The following CFAP69 variants were observed in gnomAD, a reference collection of about 807,000 sequenced individuals.
The protein encoded by CFAP69 is cilia- and flagella-associated protein 69.
Under a neutral mutation model 123.0 loss-of-function variants are expected in CFAP69, and 92 were observed. The ratio of observed to expected loss-of-function variants is 0.75; its 90% CI spans 0.63 to 0.89. The LOEUF is 0.89. Among genes scored for constraint, CFAP69 ranks in the 40% least tolerant of loss-of-function variants. The pLI, the probability that CFAP69 is intolerant of heterozygous loss-of-function variation, is 0.00. For synonymous variants in CFAP69, 380 were observed against 364.3 expected, an observed-to-expected ratio of 1.04 and a Z score of -0.49; for missense variants, 1,067 against 1,096.9, an observed-to-expected ratio of 0.97 and a Z score of 0.39.
At chr7:90,291,743 C>A (rs1791233621) in intron 15 of CFAP69, among the ~76,000 whole-genome samples, 1 of 152,134 alleles carries the variant, frequency 6.6e-6, no homozygotes. Context: ...TACAGGGGAG[C>A]TCAGTCAGAA....
At chr7:90,305,003 C>A (rs1793360683) in intron 19 of CFAP69, among the ~76,000 whole-genome samples, 183 bp downstream of exon 19, 1 of 152,034 alleles carries the variant, frequency 6.6e-6, no homozygotes, top group Non-Finnish European at 1.5e-5. Context: ...GGGTGTTTTT[C>A]ATGGGATAAG....
At chr7:90,272,514 G>GT (rs1800100592) in intron 8 of CFAP69, among the ~76,000 whole-genome samples, 1 of 152,080 alleles carries the variant, frequency 6.6e-6, no homozygotes, top group Admixed American at 6.6e-5. Context: ...ACAGATTATT[G>GT]TAAGATGCTA....
chr7:90,307,583 A>G (rs950253675), intron 20 of CFAP69, among the ~76,000 whole-genome samples, 185 bp from the exon 21 acceptor site: 1 of 152,024 alleles, frequency 6.6e-6, no homozygotes, highest in African/African-American at 2.4e-5. Context: ...TTTGAGATTG[A>G]GTTACTATAT....
chr7:90,255,606 A>C lies in CFAP69; in HGVS notation c.180+124A>C, dbSNP rs555479947. The C allele has an allele frequency of 2.6e-5, 18 of 703,046 alleles. No homozygotes were observed. In the African/African-American group the frequency reaches 3.2e-4, roughly 13 times the overall value. 43.6% of individuals were successfully genotyped at this position (703,046 alleles called of 1,614,324 possible). On this transcript the variant is annotated intron_variant, in intron 2 of 22. Transcript: ENST00000389297. ...TCGTTTTGTTGAAAACATTTTAAATAGTACATATCTTATATTCAAGGACTA... is the reference window on the plus strand; with the variant it reads ...TCGTTTTGTTGAAAACATTTTAAATCGTACATATCTTATATTCAAGGACTA...
At chr7:90,305,955 T>C (rs1264406348) in intron 19 of CFAP69, among the ~76,000 whole-genome samples, 1 of 149,298 alleles carries the variant, frequency 6.7e-6, no homozygotes, top group African/African-American at 2.4e-5. Flanking sequence ...TTTTTTTTTT[T>C]TTTTTGAGGC....
intron 5 of CFAP69, among the ~76,000 whole-genome samples, chr7:90,266,588 T>G (rs575708214): frequency 6.6e-6 from 1 of 152,308 alleles, no homozygotes; most frequent in African/African-American, 2.4e-5. Flanking sequence ...CATGGCTCAC[T>G]TTTTACTGAG....
chr7:90,317,192 A>G, the CFAP69 span: 4 of 152,148 alleles, frequency 2.6e-5, no homozygotes, highest in Non-Finnish European at 5.9e-5. Flanking sequence ...GATTAACTCA[A>G]CTTTTTACTC....
In CFAP69 at chr7:90,297,738, T is replaced by C; in HGVS notation, c.1776-11T>C. 1 of 1,535,232 alleles carries C rather than the reference T, an allele frequency of 6.5e-7. No individual in the cohort carries two copies. The highest frequency in any genetic ancestry group is 8.8e-7 in the Non-Finnish European group (1 of 1,131,384). On this transcript the variant is annotated splice_polypyrimidine_tract_variant and intron_variant, in intron 15 of 22. Coordinates refer to ENST00000389297, the MANE Select transcript of CFAP69 (RefSeq NM_001039706.3). ...ATGTTTGTCAAATGAATAACTTTCT[T>C]TTAATTTAAGGTGCTGTATTTTGGG...
Position 90,245,273 on chromosome 7 carries a change from A to T in CFAP69, c.-152A>T. ...TAAGCGGACTGTATGGCGGTGGCCT[A>T]GGCCCCTGGCGGAATTTTGGGACCT... On this transcript the variant is annotated 5_prime_UTR_variant, in exon 1 of 23. An upstream open reading frame in the 5' UTR loses its in-frame stop. Transcript: ENST00000389297. 2.8e-6 allele frequency: 3 copies of T among 1,064,480 alleles called. No homozygotes were observed. The highest frequency in any genetic ancestry group is 3.8e-6 in the Non-Finnish European group (3 of 792,216). The allele number at this position is 1,064,480 out of a possible 1,614,324, so 65.9% of individuals were successfully genotyped here.
chr7:90,245,341 G>A lies in CFAP69; in HGVS notation c.-84G>A. 7.0e-7 allele frequency: 1 copy of A among 1,432,870 alleles called. No homozygotes were observed. The highest frequency in any genetic ancestry group is 1.6e-5 in the South Asian group (1 of 64,262). 88.8% of individuals were successfully genotyped at this position (1,432,870 alleles called of 1,614,324 possible). On this transcript the variant is annotated 5_prime_UTR_variant, in exon 1 of 23. Transcript: ENST00000389297. ...TCTCAGGCTGCCTTCCCTTCTCGGT[G>A]GCGGGGCCTCTTTGGGCCCAGCGGC...
chr7:90,304,416 T>C, intron 18 of CFAP69: 1 of 1,196,730 alleles, frequency 8.4e-7, no homozygotes, highest in Non-Finnish European at 1.0e-6. Flanking sequence ...AGTTTTTTTT[T>C]TTAAGTCTTT....
intron 4 of CFAP69, among the ~76,000 whole-genome samples, chr7:90,262,945 AC>A (rs1798531344): frequency 6.6e-6 from 1 of 152,138 alleles, no homozygotes; most frequent in Non-Finnish European, 1.5e-5. Context: ...GAATGCCTAT[AC>A]CATGCCTTGC....
chr7:90,269,164 A>G (rs1054511994), intron 6 of CFAP69, among the ~76,000 whole-genome samples: 4 of 152,088 alleles, frequency 2.6e-5, no homozygotes, highest in African/African-American at 4.8e-5. Flanking sequence ...CACCTAAACT[A>G]GAGAAATGAA....
chr7:90,263,191 TATA>T (rs1416570397), intron 4 of CFAP69, among the ~76,000 whole-genome samples: 3 of 152,198 alleles, frequency 2.0e-5, no homozygotes, highest in Non-Finnish European at 2.9e-5. Flanking sequence ...TGTTTAATTG[TATA>T]ATATGATAAA....
At chr7:90,275,589 C>CG (rs1562875616) in intron 9 of CFAP69, among the ~76,000 whole-genome samples, 7 of 91,530 alleles carry the variant, frequency 7.6e-5, no homozygotes, top group African/African-American at 2.9e-4. Flanking sequence ...AGGCCAAAAG[C>CG]CTTTTTTTTT....
intron 5 of CFAP69, among the ~76,000 whole-genome samples, chr7:90,265,876 C>T (rs1298305269): frequency 6.6e-6 from 1 of 151,948 alleles, no homozygotes; most frequent in Non-Finnish European, 1.5e-5. Flanking sequence ...TGAAAAATAT[C>T]ATAAAAGGGT....
intron 11 of CFAP69, among the ~76,000 whole-genome samples, chr7:90,278,046 A>T (rs758936826): frequency 6.6e-6 from 1 of 152,034 alleles, no homozygotes; most frequent in Non-Finnish European, 1.5e-5. Context: ...AATTCTGTTT[A>T]GTTAGTTACT....
rs770854982 is a variant in CFAP69, at chr7:90,307,144, T to C, written c.2463+46T>C. On this transcript the variant is annotated intron_variant, in intron 20 of 22. Coordinates refer to ENST00000389297, the MANE Select transcript of CFAP69 (RefSeq NM_001039706.3). ...GGAGGGAGAATGAAGATAGGTTGGT[T>C]AATGGGCACAAAAATACAGTTAGAT... The C allele has an allele frequency of 7.8e-6, 11 of 1,410,738 alleles. No individual in the cohort carries two copies. In the East Asian group the frequency reaches 2.3e-4, roughly 29 times the overall value. 87.4% of individuals were successfully genotyped at this position (1,410,738 alleles called of 1,614,324 possible).
intron 15 of CFAP69, among the ~76,000 whole-genome samples, chr7:90,292,423 C>G (rs922380247): frequency 6.6e-6 from 1 of 152,184 alleles, no homozygotes. Flanking sequence ...ATTGGCTTTA[C>G]ACATCAAGTC....
Sources: allele counts gnomAD v4.1 joint callset (sites outside exome capture counted in the v4.1 genomes callset), GRCh38; gene constraint gnomAD v4.1.1; transcripts MANE v1.5; gene names NCBI Gene and HGNC (gene_info 2026-07-23, HGNC 2026-07-21).